Variants in MYO9B observed in about 807,000 individuals in gnomAD.
MYO9B encodes myosin IXB, also known as unconventional myosin-IXb.
A neutral mutation model predicts 229.5 loss-of-function variants in MYO9B; 71 were observed. The observed-to-expected ratio is 0.31, with a 90% CI of 0.26 to 0.38. The LOEUF (loss-of-function observed/expected upper bound fraction) is 0.38. MYO9B is among the 10% of genes least tolerant of loss of function. The probability of loss-of-function intolerance (pLI) is 1.00; values close to 1 mark genes in which losing one functional copy is unlikely to be tolerated. For missense variants in MYO9B, 2,255 were observed against 2,920.5 expected, an observed-to-expected ratio of 0.77 and a Z score of 5.25; for synonymous variants, 1,185 against 1,235.8, an observed-to-expected ratio of 0.96 and a Z score of 0.86.
intron 38 of MYO9B, 128 bp downstream of exon 38, chr19:17,210,976 A>AATTTT: frequency 3.5e-6 from 2 of 565,642 alleles, no homozygotes; most frequent in Non-Finnish European, 5.0e-6. Context: ...GGCAAACAAC[A>AATTTT]CTTTTTTTTT....
At chr19:17,123,002 C>T (rs567706539) in intron 2 of MYO9B, among the ~76,000 whole-genome samples, 18 of 152,128 alleles carry the variant, frequency 1.2e-4, no homozygotes, top group African/African-American at 2.9e-4. Flanking sequence ...GTGGGAGGGC[C>T]GCAGGACCCA....
At chr19:17,114,701 G>A (rs1251466456) in intron 2 of MYO9B, among the ~76,000 whole-genome samples, 1 of 152,088 alleles carries the variant, frequency 6.6e-6, no homozygotes, top group Non-Finnish European at 1.5e-5. Context: ...GCTGGTTTGT[G>A]CGCCCTGGAT....
At chr19:17,176,917 C>G (rs1461780549) in intron 14 of MYO9B, among the ~76,000 whole-genome samples, 1 of 152,128 alleles carries the variant, frequency 6.6e-6, no homozygotes, top group African/African-American at 2.4e-5. Context: ...AGTGAGCAGG[C>G]TGGCCAGACG....
At chr19:17,126,905 A>ACCCCCCCCCCCCCCCCCCCCC (rs769082303) in intron 2 of MYO9B, among the ~76,000 whole-genome samples, 3 of 101,480 alleles carry the variant, frequency 3.0e-5, no homozygotes, top group African/African-American at 1.2e-4. Flanking sequence ...CTTGTGATCC[A>ACCCCCCCCCCCCCCCCCCCCC]CCCCCACCCC....
At position 17,172,286 on chromosome 19, in the gene MYO9B, G is replaced by T. The variant is rs776370186; in HGVS notation, c.1794-50G>T. 6.2e-7 allele frequency: 1 copy of T among 1,608,428 alleles called. No homozygotes were observed. Among genetic ancestry groups the T allele is most frequent in the Non-Finnish European group, 8.5e-7 (1 of 1,176,652 alleles). On this transcript the variant is annotated intron_variant, in intron 11 of 39. Transcript: ENST00000682292. The surrounding 1 kb of genome is among the most constrained non-coding windows in gnomAD (Gnocchi z 8.2). The stretch of plus-strand genomic sequence containing the variant: ...GTCTGCAAGATAAAATACACAGCAG[G>T]TAAATCAGCCGCTGTTCATGCCTGC...
intron 8 of MYO9B, among the ~76,000 whole-genome samples, chr19:17,162,114 G>A (rs1391645112): frequency 6.6e-6 from 1 of 152,104 alleles, no homozygotes; most frequent in South Asian, 2.1e-4. Flanking sequence ...AGACCAGCCT[G>A]GCCAACATGG....
At chr19:17,137,521 C>T (rs74848903) in intron 2 of MYO9B, among the ~76,000 whole-genome samples, 4,521 of 152,250 alleles carry the variant, frequency 0.03, 106 homozygotes, top group Middle Eastern at 0.071. Context: ...CAGGTCATCT[C>T]TCTCTGGGGC....
rs1555700192 is a variant in MYO9B, at chr19:17,170,670, A to AAAAAC, written c.1794-1665_1794-1661dup. On this transcript the variant is annotated intron_variant, in intron 11 of 39. Transcript: ENST00000682292. ...TACAAAAAAAAAAAAAAAAAAAAAA[A>AAAAAC]AAAACTAGCTGGGCACAGTGGCATG... Among the ~76,000 whole-genome samples the AAAAAC allele has an allele frequency of 2.1e-4, 24 of 113,128 alleles. 3 individuals are homozygous for AAAAAC. The highest frequency in any genetic ancestry group is 8.9e-4 in the East Asian group (3 of 3,374). The allele number at this position is 113,128 out of a possible 152,430, so 74.2% of individuals were successfully genotyped here.
At chr19:17,141,407 C>T (rs1238711648) in intron 2 of MYO9B, among the ~76,000 whole-genome samples, 1 of 152,172 alleles carries the variant, frequency 6.6e-6, no homozygotes, top group Non-Finnish European at 1.5e-5. Context: ...CAGGGCGTGC[C>T]CCCTGCCCCT....
intron 10 of MYO9B, among the ~76,000 whole-genome samples, chr19:17,165,355 G>A (rs1457100616): frequency 6.8e-6 from 1 of 147,722 alleles, no homozygotes; most frequent in Non-Finnish European, 1.5e-5. Flanking sequence ...ACGAGACCCT[G>A]TCTCAAAAAA....
intron 14 of MYO9B, 83 bp downstream of exon 14, chr19:17,175,824 CTTT>C (rs534528766): frequency 0.15 from 74,447 of 492,904 alleles, 1,756 homozygotes; most frequent in East Asian, 0.32. Flanking sequence ...ATGCTACATT[CTTT>C]TTTTTTTTTT....
At chr19:17,203,302 C>T in intron 30 of MYO9B, 44 bp downstream of exon 30, 1 of 1,413,080 alleles carries the variant, frequency 7.1e-7, no homozygotes, top group Non-Finnish European at 9.7e-7. Flanking sequence ...CCATGTCCCC[C>T]ACCACCCCTC....
intron 2 of MYO9B, among the ~76,000 whole-genome samples, chr19:17,113,997 G>A (rs768928827): frequency 6.6e-6 from 1 of 151,972 alleles, no homozygotes; most frequent in Non-Finnish European, 1.5e-5. Context: ...TTCCGTTATG[G>A]CCAGGCCATC....
At chr19:17,179,043 A>C (rs2145394014) in intron 14 of MYO9B, among the ~76,000 whole-genome samples, 1 of 151,726 alleles carries the variant, frequency 6.6e-6, no homozygotes, top group East Asian at 1.9e-4. Context: ...AAAAAAAAAA[A>C]AAAAACTAGG....
intron 15 of MYO9B, 102 bp from the exon 16 acceptor site, chr19:17,183,727 T>C: frequency 1.0e-6 from 1 of 967,056 alleles, no homozygotes; most frequent in Non-Finnish European, 1.5e-6. Flanking sequence ...CCCCTCTCTC[T>C]GTGTCTCTCA....
At chr19:17,170,699 C>G (rs1006358382) in intron 11 of MYO9B, among the ~76,000 whole-genome samples, 1 of 148,560 alleles carries the variant, frequency 6.7e-6, no homozygotes, top group African/African-American at 2.5e-5. Flanking sequence ...TGGCATGCAC[C>G]TATAGTCCCA....
At chr19:17,174,888 C>CCAGCCCAG (rs2072766878) in intron 13 of MYO9B, among the ~76,000 whole-genome samples, 1 of 151,496 alleles carries the variant, frequency 6.6e-6, no homozygotes, top group Admixed American at 6.6e-5. Context: ...GAGCCAAGAT[C>CCAGCCCAG]GCGCCACTGC....
Position 17,101,954 on chromosome 19 carries a change from C to T in MYO9B, c.237C>T (p.Asp79=), listed in dbSNP as rs55955348. 289 of 1,613,400 alleles carry T rather than the reference C, an allele frequency of 1.8e-4. No homozygotes were observed. The highest frequency in any genetic ancestry group is 6.6e-4 in the Middle Eastern group (4 of 6,062). ...CGGGAGGCGAGGAATGGGTGCTGGA[C>T]GCCAACGACTCGCCTGTGCACCGGG... ...KESGGEEWVL[D]ANDSPVHRVL... Residue 79 remains aspartate, a synonymous_variant, in exon 2 of 40, where the codon GAC becomes GAT. Coordinates refer to ENST00000682292, the MANE Select transcript of MYO9B (RefSeq NM_004145.4). This position sits in a 1 kb window ranked among gnomAD's most constrained non-coding sequence, Gnocchi z 4.7.
At chr19:17,187,581 TAAAA>T (rs34376242) in intron 18 of MYO9B, among the ~76,000 whole-genome samples, 14 of 149,196 alleles carry the variant, frequency 9.4e-5, no homozygotes, top group South Asian at 6.3e-4. Context: ...CTTTTTTTTT[TAAAA>T]AATAAATTTA....
Sources: allele counts gnomAD v4.1 joint callset (sites outside exome capture counted in the v4.1 genomes callset), GRCh38; gene constraint gnomAD v4.1.1; non-coding constraint Gnocchi (gnomAD v3.1); transcripts MANE v1.5; gene names NCBI Gene and HGNC (gene_info 2026-07-23, HGNC 2026-07-21).